RAD52: variants seen among roughly 807,000 people sequenced by gnomAD.
RAD52 encodes the protein DNA repair protein RAD52 homolog.
A neutral mutation model predicts 55.5 loss-of-function variants in RAD52; 47 were observed. The observed-to-expected ratio is 0.85, with a 90% CI of 0.67 to 1.08. The LOEUF is 1.08. RAD52 is among the 50% of genes least tolerant of loss of function. The pLI is 0.00. For missense variants in RAD52, 468 were observed against 522.8 expected, an observed-to-expected ratio of 0.90 and a Z score of 1.02; for synonymous variants, 184 against 198.9, an observed-to-expected ratio of 0.92 and a Z score of 0.63.
Position 961,309 on chromosome 12 carries a change from C to CAAAAAAAAAAAAAAAAA in RAD52, c.-18-28250_-18-28234dup, listed in dbSNP as rs60547688. 9.5e-4 allele frequency among the ~76,000 whole-genome samples: 32 copies of CAAAAAAAAAAAAAAAAA among 33,810 alleles called. 1 individual carries two copies. The highest frequency in any genetic ancestry group is 9.6e-4 in the Non-Finnish European group (17 of 17,696). The allele number at this position is 33,810 out of a possible 152,430, so 22.2% of individuals were successfully genotyped here. On this transcript the variant is annotated intron_variant, in intron 1 of 11. Transcript: ENST00000430095. ...TGGGTGACAGAGTGAGACTCCATCT[C>CAAAAAAAAAAAAAAAAA]AAAAAAAAAAAAAAAAAAAAAAAGG...
intron 7 of RAD52, among the ~76,000 whole-genome samples, chr12:918,208 A>G (rs11571457): frequency 0.024 from 3,583 of 152,278 alleles, 153 homozygotes; most frequent in African/African-American, 0.083. Context: ...CAAAATGTCT[A>G]CTAAGAAAAG....
chr12:914,277 G>T, intron 10 of RAD52, 154 bp downstream of exon 10: 2 of 1,314,234 alleles, frequency 1.5e-6, no homozygotes, highest in Non-Finnish European at 1.0e-6. Context: ...ACTTCCCTTT[G>T]GTTAGGACCA....
At chr12:935,867 AAT>A (rs1957593176) in intron 1 of RAD52, among the ~76,000 whole-genome samples, 3 of 21,232 alleles carry the variant, frequency 1.4e-4, no homozygotes, top group African/African-American at 4.7e-4. Context: ...AAAATAAATA[AAT>A]AAATAAATAA....
chr12:975,613 T>C (rs931466180), intron 1 of RAD52: 2 of 152,208 alleles, frequency 1.3e-5, no homozygotes, highest in African/African-American at 4.8e-5. Context: ...AAGAGAAAGC[T>C]ACATAGGAAA....
At chr12:919,315 G>A (rs1031163752) in intron 7 of RAD52, among the ~76,000 whole-genome samples, 6 of 151,940 alleles carry the variant, frequency 3.9e-5, no homozygotes, top group African/African-American at 7.3e-5. Context: ...GCATGGTGGC[G>A]GGCGCCTGTA....
At chr12:964,816 T>C (rs1958735319) in intron 1 of RAD52, among the ~76,000 whole-genome samples, 1 of 152,004 alleles carries the variant, frequency 6.6e-6, no homozygotes, top group Admixed American at 6.5e-5. Flanking sequence ...GGCTCAAGTG[T>C]TCCTCCTGCC....
At chr12:955,355 C>T (rs1318786314) in intron 1 of RAD52, among the ~76,000 whole-genome samples, 1 of 152,098 alleles carries the variant, frequency 6.6e-6, no homozygotes. Context: ...TAGTGTGTGC[C>T]GACTGTGTAA....
intron 1 of RAD52, among the ~76,000 whole-genome samples, chr12:964,634 A>G (rs1467633382): frequency 6.6e-6 from 1 of 152,128 alleles, no homozygotes; most frequent in Non-Finnish European, 1.5e-5. Flanking sequence ...GCTGGAGTGC[A>G]GTGGCACAGT....
chr12:962,465 G>A lies in RAD52; in HGVS notation c.-19+27344C>T, dbSNP rs551118933. Reference sequence around the variant, plus strand: ...CACCATTCTCCTGCCTCAGCCTCCCGAGTAGCTGGGACTACAGGTGCCCGC... The same window carrying A: ...CACCATTCTCCTGCCTCAGCCTCCCAAGTAGCTGGGACTACAGGTGCCCGC... On this transcript the variant is annotated intron_variant, in intron 1 of 11. Coordinates refer to the RAD52 transcript ENST00000430095. 1.9e-4 allele frequency among the ~76,000 whole-genome samples: 28 copies of A among 150,344 alleles called. 1 individual carries two copies. The highest frequency in any genetic ancestry group is 7.3e-4 in the Admixed American group (11 of 15,086).
At chr12:934,510 T>C (rs1474156837) in intron 1 of RAD52, among the ~76,000 whole-genome samples, 1 of 151,484 alleles carries the variant, frequency 6.6e-6, no homozygotes, top group African/African-American at 2.4e-5. Flanking sequence ...AACAAATGAA[T>C]TTCATGTTTA....
rs1183894806 is a variant in RAD52, at chr12:912,393, A to G, written c.*998T>C. 2 of 202,048 alleles carry G rather than the reference A, an allele frequency of 9.9e-6. No homozygotes were observed. The highest frequency in any genetic ancestry group is 4.6e-5 in the African/African-American group (2 of 43,546). 12.5% of individuals were successfully genotyped at this position (202,048 alleles called of 1,614,324 possible). ...ATGCACAAAATTATGTGTATGAGGC[A>G]TATACACGAAACACAGGTGAATTCC... On this transcript the variant is annotated 3_prime_UTR_variant, in exon 12 of 12. Coordinates refer to ENST00000358495, the MANE Select transcript of RAD52 (RefSeq NM_134424.4).
At chr12:989,466 C>A (rs1041818471) in intron 1 of RAD52, among the ~76,000 whole-genome samples, 3 of 152,008 alleles carry the variant, frequency 2.0e-5, no homozygotes, top group African/African-American at 7.3e-5. Context: ...TACATGTGCT[C>A]GGTTAGCTAG....
intron 1 of RAD52, among the ~76,000 whole-genome samples, chr12:968,775 G>A (rs1016771445): frequency 1.3e-5 from 2 of 152,060 alleles, no homozygotes; most frequent in Non-Finnish European, 2.9e-5. Flanking sequence ...CCCTGAACCT[G>A]CCCTTCCCCA....
At chr12:945,571 C>A (rs941211976) in intron 1 of RAD52, among the ~76,000 whole-genome samples, 3 of 151,068 alleles carry the variant, frequency 2.0e-5, no homozygotes, top group Non-Finnish European at 4.4e-5. Context: ...GTAGCTGGAA[C>A]TACAGGCATG....
At chr12:938,576 C>T (rs889377237) in intron 1 of RAD52, among the ~76,000 whole-genome samples, 1 of 152,046 alleles carries the variant, frequency 6.6e-6, no homozygotes, top group African/African-American at 2.4e-5. Flanking sequence ...CCCAGCAACA[C>T]GGGAGGCTGA....
chr12:964,289 TG>T (rs892328669), intron 1 of RAD52, among the ~76,000 whole-genome samples: 20 of 152,008 alleles, frequency 1.3e-4, no homozygotes, highest in African/African-American at 3.9e-4. Context: ...CTAATTATGC[TG>T]GGGGTGGTGG....
intron 1 of RAD52, among the ~76,000 whole-genome samples, chr12:944,155 G>A (rs547254140): frequency 6.6e-6 from 1 of 152,248 alleles, no homozygotes; most frequent in South Asian, 2.1e-4. Context: ...GGTAGAGGCT[G>A]CAGTGAGAAG....
chr12:966,799 CA>C (rs1333845496), intron 1 of RAD52, among the ~76,000 whole-genome samples: 1 of 151,690 alleles, frequency 6.6e-6, no homozygotes, highest in Non-Finnish European at 1.5e-5. Flanking sequence ...AACAGAAGAC[CA>C]AGTATGTTAG....
chr12:915,384 G>C (rs376615570), intron 9 of RAD52, among the ~76,000 whole-genome samples: 1 of 152,162 alleles, frequency 6.6e-6, no homozygotes, highest in African/African-American at 2.4e-5. Context: ...GGTGCTGAGG[G>C]GCATATGAAT....
Sources: allele counts gnomAD v4.1 joint callset (sites outside exome capture counted in the v4.1 genomes callset), GRCh38; gene constraint gnomAD v4.1.1; transcripts MANE v1.5; gene names NCBI Gene and HGNC (gene_info 2026-07-23, HGNC 2026-07-21).